TPTE: variants seen among roughly 807,000 people sequenced by gnomAD.
The protein encoded by TPTE is transmembrane phosphatase with tensin homology.
Under a neutral mutation model 84.1 loss-of-function variants are expected in TPTE, and 59 were observed. That is an observed-to-expected ratio of 0.70 (90% CI 0.57 to 0.87). TPTE has a LOEUF of 0.87. TPTE is among the 40% of genes least tolerant of loss of function. The probability of loss-of-function intolerance (pLI) is 0.00; values close to 1 mark genes in which losing one functional copy is unlikely to be tolerated. For missense variants in TPTE, 382 were observed against 659.6 expected (o/e 0.58, Z 4.61); for synonymous variants, 130 against 223.5 (o/e 0.58, Z 3.73).
chr21:10,543,639 C>T (rs1256382332), intron 7 of TPTE, among the ~76,000 whole-genome samples: 1 of 152,308 alleles, frequency 6.6e-6, no homozygotes, highest in Non-Finnish European at 1.5e-5. Context: ...CTCATTGTAG[C>T]ATTTGTAGAT....
At chr21:10,575,359 C>G (rs1254323077) in intron 14 of TPTE, among the ~76,000 whole-genome samples, 1 of 152,312 alleles carries the variant, frequency 6.6e-6, no homozygotes, top group Non-Finnish European at 1.5e-5. Context: ...GAGCTTTGAT[C>G]TCTCCCTGAA....
At chr21:10,547,078 A>G (rs1339916384) in intron 7 of TPTE, among the ~76,000 whole-genome samples, 4 of 152,430 alleles carry the variant, frequency 2.6e-5, no homozygotes, top group South Asian at 2.1e-4. Context: ...GCACAGGCCA[A>G]TTCTCTTGTT....
intron 6 of TPTE, 82 bp downstream of exon 6, chr21:10,542,530 CCCAT>C (rs3049906): frequency 0.02 from 26,694 of 1,309,362 alleles, 2 homozygotes; most frequent in Middle Eastern, 0.069. Context: ...GCAAGTATAC[CCCAT>C]CCATCCATCC....
intron 10 of TPTE, among the ~76,000 whole-genome samples, chr21:10,563,029 ATACGATGGC>A (rs2074840280): frequency 1.3e-5 from 2 of 152,310 alleles, no homozygotes; most frequent in Non-Finnish European, 1.5e-5. Context: ...AACCAATAAT[ATACGATGGC>A]GCTACAATAT....
chr21:10,596,687 C>T (rs372733893), intron 20 of TPTE, among the ~76,000 whole-genome samples: 182 of 151,922 alleles, frequency 1.2e-3, no homozygotes, highest in East Asian at 2.5e-3. Context: ...AGCAGGGAGG[C>T]GATGCTTCAG....
intron 14 of TPTE, among the ~76,000 whole-genome samples, chr21:10,573,645 C>G (rs2075090246): frequency 6.6e-6 from 1 of 152,310 alleles, no homozygotes; most frequent in African/African-American, 2.4e-5. Flanking sequence ...GATCATTACA[C>G]ATTGTATACA....
rs1242680334 is a variant in TPTE at position 10,542,563 on chromosome 21, T to TCATCCATCCATC, written c.119+131_119+142dup. 28 of 822,018 alleles carry TCATCCATCCATC rather than the reference T, an allele frequency of 3.4e-5. No individual in the cohort carries two copies. In the African/African-American group the frequency reaches 5.6e-4, roughly 16 times the overall value. 50.9% of individuals were successfully genotyped at this position (822,018 alleles called of 1,614,324 possible). A position where few individuals can be genotyped will look rare whatever the true frequency, so the allele number is the denominator to read the frequency against. On this transcript the variant is annotated intron_variant, in intron 6 of 23. Coordinates refer to ENST00000618007, the MANE Select transcript of TPTE (RefSeq NM_199261.4). ...TCCATCCATCCATCCATCCATCCAT[T>TCATCCATCCATC]CATCCATCCATCCATCCATCCATCC...
chr21:10,575,330 A>C (rs1351958279), intron 14 of TPTE, among the ~76,000 whole-genome samples: 42 of 152,352 alleles, frequency 2.8e-4, no homozygotes, highest in African/African-American at 1.0e-3. Context: ...TAACCACTCC[A>C]GCAGCGGTTC....
At chr21:10,583,643 A>G (rs1332007243) in intron 17 of TPTE, among the ~76,000 whole-genome samples, 1 of 152,312 alleles carries the variant, frequency 6.6e-6, no homozygotes, top group Non-Finnish European at 1.5e-5. Context: ...CCTGATTAAG[A>G]AAATTTTCCT....
chr21:10,596,165 G>C (rs529503139), intron 20 of TPTE, 78 bp downstream of exon 20: 1 of 1,563,308 alleles, frequency 6.4e-7, no homozygotes, highest in African/African-American at 1.4e-5. Flanking sequence ...GCTCATAGTT[G>C]TATATACAGA....
At chr21:10,557,010 G>T (rs2074698356) in intron 8 of TPTE, among the ~76,000 whole-genome samples, 4 of 152,310 alleles carry the variant, frequency 2.6e-5, no homozygotes, top group Non-Finnish European at 5.9e-5. Context: ...TCACTCTGAT[G>T]GTAGTTTCTT....
intron 10 of TPTE, among the ~76,000 whole-genome samples, chr21:10,562,283 GACAGTGAAAACTACAATAAAT>G (rs1224432231): frequency 9.0e-4 from 137 of 152,162 alleles, no homozygotes; most frequent in African/African-American, 3.0e-3. Flanking sequence ...AACAAGCCCT[GACAGTGAAAACTACAATAAAT>G]ACAGTGAAAA....
At chr21:10,596,887 TGGAATG>T (rs1480519736) in intron 20 of TPTE, among the ~76,000 whole-genome samples, 1 of 152,312 alleles carries the variant, frequency 6.6e-6, no homozygotes, top group African/African-American at 2.4e-5. Context: ...GTTCTGCACT[TGGAATG>T]GGAAAGAGGG....
chr21:10,567,103 G>T (rs1420631876), intron 10 of TPTE, among the ~76,000 whole-genome samples: 6 of 67,716 alleles, frequency 8.9e-5, no homozygotes, highest in African/African-American at 2.9e-4. Context: ...TTACTATGGG[G>T]CTCTAAAAAA....
intron 17 of TPTE, among the ~76,000 whole-genome samples, chr21:10,584,515 T>G (rs1317591063): frequency 2.0e-5 from 3 of 152,306 alleles, no homozygotes; most frequent in African/African-American, 7.2e-5. Flanking sequence ...TTTTTTCATT[T>G]TTTTGTAGAG....
At chr21:10,582,074 T>C (rs1349848203) in intron 17 of TPTE, among the ~76,000 whole-genome samples, 1 of 152,308 alleles carries the variant, frequency 6.6e-6, no homozygotes, top group Non-Finnish European at 1.5e-5. Context: ...TTTGTTTTTC[T>C]ATGTGTGTGT....
chr21:10,580,345 G>A (rs2075249758), intron 17 of TPTE, among the ~76,000 whole-genome samples: 1 of 152,310 alleles, frequency 6.6e-6, no homozygotes, highest in Non-Finnish European at 1.5e-5. Flanking sequence ...CTGTGCAAAA[G>A]CGTTTTAGTT....
At chr21:10,600,928 A>C (rs549015146) in intron 21 of TPTE, among the ~76,000 whole-genome samples, 2 of 152,426 alleles carry the variant, frequency 1.3e-5, no homozygotes, top group Non-Finnish European at 2.9e-5. Context: ...CATGATGAGC[A>C]GGGGGACCCC....
At chr21:10,540,159 T>C (rs796553593) in intron 4 of TPTE, among the ~76,000 whole-genome samples, 2,134 of 151,450 alleles carry the variant, frequency 0.014, no homozygotes, top group Non-Finnish European at 0.02. Context: ...TGTGTGTGAA[T>C]TGAGAGTACC....
Sources: allele counts gnomAD v4.1 joint callset (sites outside exome capture counted in the v4.1 genomes callset), GRCh38; gene constraint gnomAD v4.1.1; transcripts MANE v1.5; gene names NCBI Gene and HGNC (gene_info 2026-07-23, HGNC 2026-07-21).